The following MRPS21 variants were observed in gnomAD, a reference collection of about 807,000 sequenced individuals.
MRPS21 encodes small ribosomal subunit protein bS21m.
MRPS21 carries 8 observed loss-of-function variants against 9.9 expected under a neutral mutation model. The ratio of observed to expected loss-of-function variants is 0.81; its 90% CI spans 0.47 to 1.45. The LOEUF is 1.45. Among genes scored for constraint, MRPS21 ranks in the 40% most tolerant of loss-of-function variants. MRPS21 has a pLI of 0.00. For missense variants in MRPS21, 101 were observed against 118.9 expected (o/e 0.85, Z 0.70); for synonymous variants, 40 against 40.3 (o/e 0.99, Z 0.03).
intron 2 of MRPS21, 73 bp downstream of exon 2, chr1:150,294,522 T>C: frequency 7.8e-7 from 1 of 1,276,774 alleles, no homozygotes; most frequent in Non-Finnish European, 1.1e-6. Context: ...CCTTCCCCTT[T>C]CGTTGATTGT....
chr1:150,305,420 A>G (rs1173018139), intron 2 of MRPS21, among the ~76,000 whole-genome samples: 3 of 152,288 alleles, frequency 2.0e-5, no homozygotes, highest in Non-Finnish European at 4.4e-5. Flanking sequence ...TACAGATGTG[A>G]TAACAATTGA....
intron 2 of MRPS21, among the ~76,000 whole-genome samples, chr1:150,294,998 T>G (rs1474261808): frequency 1.4e-5 from 2 of 138,668 alleles, no homozygotes; most frequent in Non-Finnish European, 3.0e-5. Context: ...TAATTTTAAT[T>G]TTTTTTTTTT....
At chr1:150,295,218 TCTC>T (rs1302238639) in intron 2 of MRPS21, among the ~76,000 whole-genome samples, 7 of 151,890 alleles carry the variant, frequency 4.6e-5, no homozygotes, top group Non-Finnish European at 7.4e-5. Flanking sequence ...ATGGTCTTGA[TCTC>T]CTGACCTCAA....
intron 2 of MRPS21, among the ~76,000 whole-genome samples, chr1:150,300,512 A>G (rs943868529): frequency 6.6e-6 from 1 of 152,160 alleles, no homozygotes; most frequent in Non-Finnish European, 1.5e-5. Flanking sequence ...ATGTTTGTCA[A>G]ACTTTTTTAC....
intron 2 of MRPS21, among the ~76,000 whole-genome samples, chr1:150,300,670 A>T (rs1236634100): frequency 6.6e-6 from 1 of 152,130 alleles, no homozygotes; most frequent in Non-Finnish European, 1.5e-5. Flanking sequence ...TATGGGTAAC[A>T]CCCCCACTCC....
chr1:150,305,696 G>A (rs1417764379), intron 2 of MRPS21, among the ~76,000 whole-genome samples: 23 of 152,102 alleles, frequency 1.5e-4, no homozygotes, highest in Admixed American at 1.5e-3. Context: ...CCAGGTTCAA[G>A]CTATTCTCCT....
rs1560068283 is a variant in MRPS21 at position 150,308,339 on chromosome 1, C to T, written c.*111C>T. On this transcript the variant is annotated 3_prime_UTR_variant, in exon 3 of 3. Coordinates refer to ENST00000614145, the MANE Select transcript of MRPS21 (RefSeq NM_031901.6). ...CATTCTCTGCAATAAACTCAAATCACATGTCTGCAAGAAGGCCTCCAAATA... is the reference window on the plus strand; with the variant it reads ...CATTCTCTGCAATAAACTCAAATCATATGTCTGCAAGAAGGCCTCCAAATA... 2.6e-6 allele frequency: 3 copies of T among 1,147,076 alleles called. No individual in the cohort carries two copies. Among genetic ancestry groups the T allele is most frequent in the Non-Finnish European group, 3.6e-6 (3 of 834,168 alleles). The allele number at this position is 1,147,076 out of a possible 1,614,324, so 71.1% of individuals were successfully genotyped here.
At chr1:150,307,998 A>C (rs782125342) in intron 2 of MRPS21, 50 bp from the exon 3 acceptor site, 7 of 1,438,494 alleles carry the variant, frequency 4.9e-6, no homozygotes, top group Admixed American at 4.3e-5. Context: ...AAACTGGAAA[A>C]GAATAATGAT....
rs1031754811 is a variant in MRPS21, at chr1:150,293,867, C to T, written c.-64C>T. ...AATTTCCGCTTCCGGTAGTGAGAACCCTTCCGGTGGGCTAGGTACTGAGCG... is the reference window on the plus strand; with the variant it reads ...AATTTCCGCTTCCGGTAGTGAGAACTCTTCCGGTGGGCTAGGTACTGAGCG... On this transcript the variant is annotated 5_prime_UTR_variant, in exon 1 of 3. Coordinates refer to ENST00000614145, the MANE Select transcript of MRPS21 (RefSeq NM_031901.6). The T allele has an allele frequency of 6.2e-6, 1 of 161,920 alleles. No individual in the cohort carries two copies. Among genetic ancestry groups the T allele is most frequent in the Non-Finnish European group, 1.4e-5 (1 of 72,774 alleles). The allele number at this position is 161,920 out of a possible 1,614,324, so 10.0% of individuals were successfully genotyped here.
At chr1:150,296,136 G>A (rs1553856529) in intron 2 of MRPS21, among the ~76,000 whole-genome samples, 1 of 152,092 alleles carries the variant, frequency 6.6e-6, no homozygotes, top group Non-Finnish European at 1.5e-5. Context: ...ATTTTTAGTA[G>A]AGAGGGTTTC....
chr1:150,295,906 A>C (rs1553856481), intron 2 of MRPS21, among the ~76,000 whole-genome samples: 1 of 152,096 alleles, frequency 6.6e-6, no homozygotes, highest in African/African-American at 2.4e-5. Context: ...CTTCATTGAA[A>C]ATTTTTGAAT....
intron 2 of MRPS21, among the ~76,000 whole-genome samples, chr1:150,305,206 A>AT (rs201440464): frequency 0.98 from 148,299 of 152,020 alleles, 72,433 homozygotes; most frequent in Middle Eastern, 1. Context: ...TGTCTGGTTA[A>AT]TTTTTATTTT....
At chr1:150,305,675 A>C (rs1311886775) in intron 2 of MRPS21, among the ~76,000 whole-genome samples, 14 of 151,492 alleles carry the variant, frequency 9.2e-5, no homozygotes, top group African/African-American at 3.2e-4. Flanking sequence ...GCTCATTGCA[A>C]CCTCCACCTC....
At chr1:150,303,668 A>G (rs1300374324) in intron 2 of MRPS21, among the ~76,000 whole-genome samples, 7 of 152,188 alleles carry the variant, frequency 4.6e-5, no homozygotes, top group Non-Finnish European at 7.3e-5. Context: ...CAGTTTCCTC[A>G]TCTATAAAAA....
intron 2 of MRPS21, chr1:150,305,069 G>C (rs1654282920): frequency 2.9e-6 from 1 of 339,580 alleles, no homozygotes; most frequent in African/African-American, 2.2e-5. Flanking sequence ...GGTCTTGCTT[G>C]CCCAGGCTGG....
chr1:150,294,314 C>A, intron 1 of MRPS21, 21 bp from the exon 2 acceptor site: 3 of 1,497,910 alleles, frequency 2.0e-6, no homozygotes, highest in South Asian at 2.3e-5. Context: ...CTTTCCTCGC[C>A]CTTTCTCCAT....
chr1:150,293,937 C>CT (rs587674621), intron 1 of MRPS21, 39 bp downstream of exon 1: 2,695 of 204,904 alleles, frequency 0.013, 32 homozygotes, highest in Non-Finnish European at 0.021. Context: ...GGAAGGCTGG[C>CT]TTGGCGAGAG....
chr1:150,299,569 C>T (rs972226048), intron 2 of MRPS21, among the ~76,000 whole-genome samples: 1 of 152,162 alleles, frequency 6.6e-6, no homozygotes, highest in African/African-American at 2.4e-5. Context: ...ATTCTCCTGC[C>T]TCAGCCCCCC....
At chr1:150,307,148 C>G (rs1654363920) in intron 2 of MRPS21, among the ~76,000 whole-genome samples, 2 of 150,176 alleles carry the variant, frequency 1.3e-5, no homozygotes, top group Admixed American at 1.3e-4. Flanking sequence ...TAGGTTCAAA[C>G]ACTTCTCCTG....
Sources: gnomAD v4.1 joint callset for allele counts (sites outside exome capture counted in the v4.1 genomes callset) on GRCh38, gnomAD v4.1.1 for gene constraint, MANE v1.5 for transcripts, NCBI Gene and HGNC (gene_info 2026-07-23, HGNC 2026-07-21) for gene names.